The following ERC1 variants were observed in gnomAD, a reference collection of about 807,000 sequenced individuals.
ERC1 encodes ELKS/RAB6-interacting/CAST family member 1, also known as RAB6 interacting protein 2.
Under a neutral mutation model 132.0 loss-of-function variants are expected in ERC1, and 56 were observed. The ratio of observed to expected loss-of-function variants is 0.42; its 90% confidence interval spans 0.34 to 0.53. The LOEUF (loss-of-function observed/expected upper bound fraction) is 0.53, where lower values mean the gene tolerates loss of function less well. Among genes scored for constraint, ERC1 ranks in the 20% least tolerant of loss-of-function variants. The pLI is 0.03. For synonymous variants in ERC1, 478 were observed against 476.1 expected (o/e 1.00, Z -0.05); for missense variants, 1,202 against 1,349.9 (o/e 0.89, Z 1.72).
rs143418534 is a variant in ERC1, at chr12:1,276,446, A to G, written c.2619+13281A>G. On this transcript the variant is annotated intron_variant, in intron 14 of 18. Transcript: ENST00000360905. ...GTAGAGACGGGGTTTCGCTATGTTG[A>G]CCAGGCTGGTCTCGAACTCCTGACC... Among the ~76,000 whole-genome samples, 653 of 151,458 alleles carry G rather than the reference A, an allele frequency of 4.3e-3. 10 individuals carry two copies. The highest frequency in any genetic ancestry group is 0.015 in the African/African-American group (625 of 41,316).
chr12:1,328,437 C>G (rs532821221), intron 15 of ERC1, among the ~76,000 whole-genome samples: 1 of 152,174 alleles, frequency 6.6e-6, no homozygotes, highest in African/African-American at 2.4e-5. Context: ...AGCCACTGCA[C>G]CTGCCCTTAA....
chr12:1,210,984 CAAA>C (rs147811983), intron 12 of ERC1, among the ~76,000 whole-genome samples: 1 of 114,520 alleles, frequency 8.7e-6, no homozygotes, highest in Non-Finnish European at 1.9e-5. Context: ...GACTGTGTCT[CAAA>C]AAAAAAAAAA....
intron 1 of ERC1, among the ~76,000 whole-genome samples, chr12:1,002,697 A>G (rs893294263): frequency 2.0e-5 from 3 of 152,066 alleles, no homozygotes; most frequent in South Asian, 2.1e-4. Flanking sequence ...TATTGTCACT[A>G]TTATTAACTT....
At chr12:1,064,341 C>T (rs1938666866) in intron 2 of ERC1, among the ~76,000 whole-genome samples, 1 of 152,062 alleles carries the variant, frequency 6.6e-6, no homozygotes, top group South Asian at 2.1e-4. Context: ...ATCCTACCCA[C>T]TCAGCCTCCT....
intron 15 of ERC1, among the ~76,000 whole-genome samples, chr12:1,320,046 AT>A (rs923233042): frequency 6.6e-6 from 1 of 152,184 alleles, no homozygotes; most frequent in Non-Finnish European, 1.5e-5. Flanking sequence ...GATCTGTTGC[AT>A]TCTGTTTAAC....
intron 7 of ERC1, 129 bp downstream of exon 7, chr12:1,116,162 G>A (rs1315533505): frequency 1.6e-5 from 12 of 767,664 alleles, no homozygotes; most frequent in African/African-American, 3.5e-5. Context: ...CTTCAGCAGC[G>A]TGATCAGTCA....
intron 18 of ERC1, among the ~76,000 whole-genome samples, chr12:1,449,680 A>G (rs551101973): frequency 6.6e-6 from 1 of 152,122 alleles, no homozygotes; most frequent in African/African-American, 2.4e-5. Flanking sequence ...CTGACACACT[A>G]TGTCTTTCTA....
chr12:1,235,109 C>G (rs1166512625), intron 12 of ERC1, among the ~76,000 whole-genome samples: 1 of 152,188 alleles, frequency 6.6e-6, no homozygotes, highest in African/African-American at 2.4e-5. Flanking sequence ...TGACTCATGC[C>G]TGTAATCCCA....
At chr12:1,288,397 G>C (rs1217622429) in intron 14 of ERC1, among the ~76,000 whole-genome samples, 1 of 152,146 alleles carries the variant, frequency 6.6e-6, no homozygotes, top group East Asian at 1.9e-4. Context: ...TTACAGGCAC[G>C]AGCCACAGCG....
At chr12:1,306,541 G>A (rs2080897372) in intron 15 of ERC1, among the ~76,000 whole-genome samples, 1 of 152,212 alleles carries the variant, frequency 6.6e-6, no homozygotes, top group African/African-American at 2.4e-5. Flanking sequence ...TATTGGCAGA[G>A]TTCATGTAGC....
intron 18 of ERC1, among the ~76,000 whole-genome samples, chr12:1,468,349 T>G (rs1233483573): frequency 6.6e-6 from 1 of 152,154 alleles, no homozygotes; most frequent in Non-Finnish European, 1.5e-5. Flanking sequence ...ACGCCTGTAA[T>G]CCCAGCACTT....
intron 13 of ERC1, among the ~76,000 whole-genome samples, chr12:1,254,425 G>T (rs1467355709): frequency 6.6e-6 from 1 of 152,168 alleles, no homozygotes; most frequent in East Asian, 1.9e-4. Flanking sequence ...TCTCCAAACA[G>T]TACCTGTGTT....
chr12:1,028,671 T>A, intron 2 of ERC1, 99 bp downstream of exon 2: 4 of 958,256 alleles, frequency 4.2e-6, no homozygotes, highest in Non-Finnish European at 6.1e-6. Flanking sequence ...TCGTAGTATA[T>A]GTATCTTCCT....
chr12:1,401,387 G>A (rs1381564096), intron 16 of ERC1, among the ~76,000 whole-genome samples: 2 of 152,152 alleles, frequency 1.3e-5, no homozygotes, highest in Non-Finnish European at 2.9e-5. Context: ...AAAGGAAGCA[G>A]GTAGAGCAGT....
chr12:1,381,663 T>C (rs16928398), intron 16 of ERC1, among the ~76,000 whole-genome samples: 9,433 of 152,312 alleles, frequency 0.062, 517 homozygotes, highest in African/African-American at 0.14. Flanking sequence ...CTACTGATGG[T>C]ATCCAGATTG....
At chr12:1,307,505 G>C (rs61913073) in intron 15 of ERC1, among the ~76,000 whole-genome samples, 60,349 of 152,036 alleles carry the variant, frequency 0.4, 12,422 homozygotes, top group Middle Eastern at 0.52. Flanking sequence ...GCAGCTGCTT[G>C]TCCTACTACT....
chr12:1,258,320 C>T (rs982616267), intron 13 of ERC1, among the ~76,000 whole-genome samples: 3 of 152,154 alleles, frequency 2.0e-5, no homozygotes, highest in Non-Finnish European at 4.4e-5. Context: ...CTTACTGTCT[C>T]ATAGTTTATC....
chr12:1,375,381 T>C (rs2087762716), intron 16 of ERC1, among the ~76,000 whole-genome samples: 1 of 151,998 alleles, frequency 6.6e-6, no homozygotes, highest in Non-Finnish European at 1.5e-5. Flanking sequence ...TCCAATCACC[T>C]CCCACCAGGC....
At chr12:1,450,854 A>C (rs577576067) in intron 18 of ERC1, among the ~76,000 whole-genome samples, 1 of 152,172 alleles carries the variant, frequency 6.6e-6, no homozygotes, top group South Asian at 2.1e-4. Context: ...AGCCACCCTA[A>C]TGGGTGTAAG....
Sources: gnomAD v4.1 joint callset for allele counts (sites outside exome capture counted in the v4.1 genomes callset) on GRCh38, gnomAD v4.1.1 for gene constraint, MANE v1.5 for transcripts, NCBI Gene and HGNC (gene_info 2026-07-23, HGNC 2026-07-21) for gene names.